TTC7A: variants seen among roughly 807,000 people sequenced by gnomAD.
The protein encoded by TTC7A is tetratricopeptide repeat domain 7A, also known as tetratricopeptide repeat protein 7A.
In TTC7A, 110 loss-of-function variants were observed where a neutral mutation model predicts 103.7. That is an observed-to-expected ratio of 1.06 (90% confidence interval 0.91 to 1.24). The LOEUF (loss-of-function observed/expected upper bound fraction) is 1.24, where lower values mean the gene tolerates loss of function less well. Among genes scored for constraint, TTC7A ranks in the 50% most tolerant of loss-of-function variants. The pLI, the probability that TTC7A is intolerant of heterozygous loss-of-function variation, is 0.00. For missense variants in TTC7A, 1,340 were observed against 1,116.3 expected, an observed-to-expected ratio of 1.20 and a Z score of -2.86; for synonymous variants, 521 against 467.9, an observed-to-expected ratio of 1.11 and a Z score of -1.47.
chr2:46,927,115 G>A (rs1284522999), intron 2 of TTC7A, among the ~76,000 whole-genome samples: 1 of 152,112 alleles, frequency 6.6e-6, no homozygotes, highest in Non-Finnish European at 1.5e-5. Flanking sequence ...AGAGAATTCA[G>A]TGAGGTCTTA....
At chr2:47,070,488 G>C (rs543495700) in intron 19 of TTC7A, among the ~76,000 whole-genome samples, 1 of 152,312 alleles carries the variant, frequency 6.6e-6, no homozygotes, top group East Asian at 1.9e-4. Flanking sequence ...GCTGTCCTTT[G>C]GGGAATAACA....
chr2:47,050,058 C>G lies in TTC7A; in HGVS notation c.2017+12C>G. 1.2e-6 allele frequency: 2 copies of G among 1,605,714 alleles called. No homozygotes were observed. The highest frequency in any genetic ancestry group is 1.7e-6 in the Non-Finnish European group (2 of 1,172,624). ...TGATGCAGACTCTGGTAAGAACGAG[C>G]TCCTTGGGCCACTGTGTGCATGGAC... On this transcript the variant is annotated intron_variant, in intron 17 of 19. Coordinates refer to ENST00000319190, the MANE Select transcript of TTC7A (RefSeq NM_020458.4).
At chr2:46,976,486 C>CT (rs530036518) in intron 4 of TTC7A, among the ~76,000 whole-genome samples, 7 of 152,348 alleles carry the variant, frequency 4.6e-5, no homozygotes, top group Admixed American at 1.3e-4. Context: ...GGCCGAGAGA[C>CT]TAAGAGCCCA....
At chr2:46,957,846 C>G (rs567774245) in intron 3 of TTC7A, among the ~76,000 whole-genome samples, 39 of 152,272 alleles carry the variant, frequency 2.6e-4, no homozygotes, top group African/African-American at 9.1e-4. Flanking sequence ...ACAAACCAAC[C>G]TCCAGAGAAA....
chr2:46,999,891 T>C, intron 8 of TTC7A: 3 of 985,364 alleles, frequency 3.0e-6, no homozygotes, highest in Non-Finnish European at 3.6e-6. Flanking sequence ...GTGGGGTGGA[T>C]AGGTAAGTCT....
chr2:47,017,294 C>G (rs987713486), intron 11 of TTC7A, among the ~76,000 whole-genome samples: 1 of 150,780 alleles, frequency 6.6e-6, no homozygotes, highest in Admixed American at 6.6e-5. Flanking sequence ...TGGGAAGGGT[C>G]GCTTGAGCCC....
chr2:46,989,591 C>G lies in TTC7A; in HGVS notation c.765-3859C>G, dbSNP rs1269447427. Reference sequence around the variant, plus strand: ...CTGGGACCCCAGATCTCTCCCTGTACAGCCCTGGCCACTGGGACCTCTCTA... The same window carrying G: ...CTGGGACCCCAGATCTCTCCCTGTAGAGCCCTGGCCACTGGGACCTCTCTA... On this transcript the variant is annotated intron_variant, in intron 5 of 19. Transcript: ENST00000319190. Among the ~76,000 whole-genome samples, 3 of 150,682 alleles carry G rather than the reference C, an allele frequency of 2.0e-5. No individual in the cohort carries two copies. The East Asian group carries it at 5.8e-4, about 29-fold the overall frequency.
At position 47,046,309 on chromosome 2, in the gene TTC7A, C is replaced by T; in HGVS notation, c.1803-6C>T. The T allele has an allele frequency of 1.2e-6, 2 of 1,613,014 alleles. No homozygotes were observed. The highest frequency in any genetic ancestry group is 1.7e-6 in the Non-Finnish European group (2 of 1,179,358). ...GTGTGCTGATGGCCACTCTCCGTCC[C>T]CACAGCCTGATGTTCACCAAGGTGA... is the stretch of plus-strand genomic sequence containing the variant. On this transcript the variant is annotated splice_region_variant and splice_polypyrimidine_tract_variant and intron_variant, in intron 15 of 19. Transcript: ENST00000319190.
Position 47,051,862 on chromosome 2 carries a change from C to A in TTC7A, c.2134C>A (p.Gln712Lys). 6.2e-7 allele frequency: 1 copy of A among 1,611,064 alleles called. No individual in the cohort carries two copies. Among genetic ancestry groups the A allele is most frequent in the Non-Finnish European group, 8.5e-7 (1 of 1,179,094 alleles). The change falls in exon 18 of 20, where the codon CAG becomes AAG. Residue 712 changes from glutamine to lysine, a missense_variant. Coordinates refer to ENST00000319190, the MANE Select transcript of TTC7A (RefSeq NM_020458.4). ...GPMQLWTTLE[Q>K]IWLQAAELFM... Reference sequence around the variant, plus strand: ...CATGCAGCTGTGGACCACGCTGGAACAGATCTGGCTGCAGGCTGGTGAGTG... The same window carrying A: ...CATGCAGCTGTGGACCACGCTGGAAAAGATCTGGCTGCAGGCTGGTGAGTG...
chr2:47,030,425 C>T (rs550147003), intron 15 of TTC7A, among the ~76,000 whole-genome samples: 1 of 152,190 alleles, frequency 6.6e-6, no homozygotes, highest in Admixed American at 6.5e-5. Context: ...GGTTTTCCTG[C>T]ATCCTTGGCC....
chr2:46,916,120 G>A (rs1275073612), upstream of TTC7A: 3 of 985,488 alleles, frequency 3.0e-6, no homozygotes, highest in Admixed American at 1.8e-4. Context: ...TCCGGATGGG[G>A]CGGACCCCAA....
intron 8 of TTC7A, among the ~76,000 whole-genome samples, chr2:46,995,481 G>T (rs1311941168): frequency 1.3e-5 from 2 of 152,220 alleles, no homozygotes; most frequent in Non-Finnish European, 2.9e-5. Context: ...TTAAAAAGAT[G>T]ATCATCAACA....
In TTC7A at chr2:47,024,326, C is replaced by CT; in HGVS notation, c.1609dup (p.Tyr537LeufsTer29). ...CGCCCAGTGACCCCCAGGTCATCCT[C>CT]TATGTCTCGCTGCAGCTGGCCCTCG... On this transcript the variant is annotated frameshift_variant, in exon 14 of 20. Transcript: ENST00000319190. LOFTEE classifies it high-confidence loss of function. The CT allele has an allele frequency of 1.2e-6, 2 of 1,609,518 alleles. No homozygotes were observed. The highest frequency in any genetic ancestry group is 1.7e-6 in the Non-Finnish European group (2 of 1,177,920).
chr2:47,047,575 G>A (rs1289950415), intron 16 of TTC7A, among the ~76,000 whole-genome samples: 2 of 152,240 alleles, frequency 1.3e-5, no homozygotes, highest in African/African-American at 4.8e-5. Flanking sequence ...ACTGGCTGTG[G>A]CCGCACAAGC....
At chr2:46,969,419 A>G (rs1236873609) in intron 3 of TTC7A, among the ~76,000 whole-genome samples, 1 of 151,838 alleles carries the variant, frequency 6.6e-6, no homozygotes, top group East Asian at 2.0e-4. Flanking sequence ...AGGCAGGAGA[A>G]TGGCGTGAAC....
chr2:47,060,988 C>G lies in TTC7A; in HGVS notation c.2355+17C>G, dbSNP rs775545154. Reference sequence around the variant, plus strand: ...CATAGCCTGGTGAGTCAGAGCCCCCCGCGCTCCCACCACCTCCTCCCACAG... The same window carrying G: ...CATAGCCTGGTGAGTCAGAGCCCCCGGCGCTCCCACCACCTCCTCCCACAG... On this transcript the variant is annotated intron_variant, in intron 19 of 19. Transcript: ENST00000319190. The G allele has an allele frequency of 1.1e-5, 17 of 1,574,388 alleles. No homozygotes were observed. The Admixed American group carries it at 1.8e-4, about 17-fold the overall frequency.
At chr2:46,958,513 G>C (rs1263774082) in intron 3 of TTC7A, 1 of 1,304,258 alleles carries the variant, frequency 7.7e-7, no homozygotes, top group South Asian at 1.2e-5. Context: ...CGGCTTCTTG[G>C]GGGAACACAG....
rs539382667 is a variant in TTC7A, at chr2:47,014,669, C to G, written c.1392+3234C>G. 1.7e-3 allele frequency among the ~76,000 whole-genome samples: 259 copies of G among 152,356 alleles called. 1 individual carries two copies. Among genetic ancestry groups the G allele is most frequent in the African/African-American group, 2.6e-3 (107 of 41,584 alleles). Reference sequence around the variant, plus strand: ...AGATCCCAAAAGGCGGCTCACACCCCCTTCGTCTCCTGCCTTCGCAGTTAT... The same window carrying G: ...AGATCCCAAAAGGCGGCTCACACCCGCTTCGTCTCCTGCCTTCGCAGTTAT... On this transcript the variant is annotated intron_variant, in intron 11 of 19. Transcript: ENST00000319190.
In TTC7A at chr2:47,007,026, G is replaced by A. The variant is rs1284352412; in HGVS notation, c.1287+302G>A. Among the ~76,000 whole-genome samples the A allele has an allele frequency of 6.6e-6, 1 of 152,194 alleles. No homozygotes were observed. The highest frequency in any genetic ancestry group is 1.5e-5 in the Non-Finnish European group (1 of 68,024). Reference sequence around the variant, plus strand: ...TGAAGAGCTAATAATGTGACTGCATGTGGTGGATATGAGGTGCATCCAGGT... The same window carrying A: ...TGAAGAGCTAATAATGTGACTGCATATGGTGGATATGAGGTGCATCCAGGT... On this transcript the variant is annotated intron_variant, in intron 10 of 19. Transcript: ENST00000319190. The surrounding 1 kb of genome is among the most constrained non-coding windows in gnomAD (Gnocchi z 4.9).
Sources: allele counts gnomAD v4.1 joint callset (sites outside exome capture counted in the v4.1 genomes callset), GRCh38; gene constraint gnomAD v4.1.1; non-coding constraint Gnocchi (gnomAD v3.1); transcripts MANE v1.5; gene names NCBI Gene and HGNC (gene_info 2026-07-23, HGNC 2026-07-21).